IGFL2: variants seen among roughly 807,000 people sequenced by gnomAD.
IGFL2 encodes insulin growth factor-like family member 2.
Under a neutral mutation model 13.9 loss-of-function variants are expected in IGFL2, and 7 were observed. That is an observed-to-expected ratio of 0.51 (90% confidence interval 0.29 to 0.95). IGFL2 has a LOEUF of 0.95. Ranked by LOEUF, IGFL2 falls within the 40% of genes least tolerant of loss-of-function variation. The probability of loss-of-function intolerance (pLI) is 0.08; values close to 1 mark genes in which losing one functional copy is unlikely to be tolerated. For synonymous variants in IGFL2, 55 were observed against 55.8 expected, an observed-to-expected ratio of 0.99 and a Z score of 0.07; for missense variants, 138 against 147.8, an observed-to-expected ratio of 0.93 and a Z score of 0.34.
chr19:46,085,007 C>T, the IGFL2 span, among the ~76,000 whole-genome samples: 1 of 152,174 alleles, frequency 6.6e-6, no homozygotes, highest in Non-Finnish European at 1.5e-5. Flanking sequence ...CACCTATGAG[C>T]CCGTAAAATC....
At chr19:46,169,794 G>A in the IGFL2 span, among the ~76,000 whole-genome samples, 1 of 148,584 alleles carries the variant, frequency 6.7e-6, no homozygotes, top group Non-Finnish European at 1.5e-5. Context: ...GTTACAGTGA[G>A]CTGAGATCAT....
At chr19:46,195,928 T>C in the IGFL2 span, 4 of 152,312 alleles carry the variant, frequency 2.6e-5, no homozygotes, top group Admixed American at 2.6e-4. Context: ...GCTGTGTGAG[T>C]GTGGGAGGGT....
At chr19:46,210,820 C>T in the IGFL2 span, among the ~76,000 whole-genome samples, 1 of 152,196 alleles carries the variant, frequency 6.6e-6, no homozygotes, top group African/African-American at 2.4e-5. Context: ...TTGCATCCTT[C>T]AATCCAATCA....
chr19:46,086,961 A>C, the IGFL2 span, among the ~76,000 whole-genome samples: 1 of 151,980 alleles, frequency 6.6e-6, no homozygotes, highest in Non-Finnish European at 1.5e-5. Context: ...GCTATTATGA[A>C]GTTTTGCTGG....
the IGFL2 span, among the ~76,000 whole-genome samples, chr19:46,082,629 ATT>A: frequency 8.4e-5 from 12 of 142,206 alleles, no homozygotes; most frequent in African/African-American, 7.7e-5. Context: ...CTGTGTCTCC[ATT>A]TTTTTTTTTT....
chr19:46,203,495 A>C, the IGFL2 span: 1 of 152,286 alleles, frequency 6.6e-6, no homozygotes, highest in Non-Finnish European at 1.5e-5. Flanking sequence ...GCTGCTGTAG[A>C]GCATTTAAGC....
chr19:46,189,132 C>T, the IGFL2 span: 3 of 160,784 alleles, frequency 1.9e-5, no homozygotes, highest in African/African-American at 7.2e-5. Context: ...GGATACAAGA[C>T]AAGGGGGCAG....
At chr19:46,095,565 A>G in the IGFL2 span, among the ~76,000 whole-genome samples, 1 of 152,188 alleles carries the variant, frequency 6.6e-6, no homozygotes, top group Non-Finnish European at 1.5e-5. Flanking sequence ...TTTGGTTGCA[A>G]CTGCTTTTGG....
chr19:46,160,581 G>A (rs556801431), intron 2 of IGFL2, 33 bp from the exon 3 acceptor site: 65 of 1,613,530 alleles, frequency 4.0e-5, no homozygotes, highest in Non-Finnish European at 5.3e-5. Flanking sequence ...TTATCCTTGA[G>A]CTCACACCAA....
At chr19:46,146,483 C>T (rs927932301), upstream of IGFL2, among the ~76,000 whole-genome samples, 3 of 152,242 alleles carry the variant, frequency 2.0e-5, no homozygotes, top group East Asian at 1.9e-4. Flanking sequence ...TTTTGTTTCT[C>T]TCTCAGACAA....
At chr19:46,206,247 G>A in the IGFL2 span, among the ~76,000 whole-genome samples, 1 of 152,160 alleles carries the variant, frequency 6.6e-6, no homozygotes, top group Non-Finnish European at 1.5e-5. Flanking sequence ...GCCTGACTCA[G>A]CTGCCCTGAC....
chr19:46,082,574 A>G, the IGFL2 span, among the ~76,000 whole-genome samples: 9 of 150,882 alleles, frequency 6.0e-5, no homozygotes, highest in Middle Eastern at 3.4e-3. Context: ...CCGCCCTGTA[A>G]GAGAGAGGGT....
the IGFL2 span, chr19:46,213,198 C>T: frequency 3.3e-5 from 5 of 152,364 alleles, no homozygotes; most frequent in African/African-American, 7.2e-5. Flanking sequence ...CATGCTGCAC[C>T]TTCCTGTTTG....
At chr19:46,095,580 T>C in the IGFL2 span, among the ~76,000 whole-genome samples, 12 of 152,372 alleles carry the variant, frequency 7.9e-5, no homozygotes, top group African/African-American at 2.9e-4. Context: ...TTTTGGTGTT[T>C]TGGTCATGAA....
the IGFL2 span, among the ~76,000 whole-genome samples, chr19:46,083,530 C>T: frequency 6.6e-6 from 1 of 152,084 alleles, no homozygotes; most frequent in Non-Finnish European, 1.5e-5. Context: ...AGAGGAGGTG[C>T]GATGAGAGAA....
At chr19:46,149,678 G>A (rs1252642406) in intron 1 of IGFL2, among the ~76,000 whole-genome samples, 1 of 151,788 alleles carries the variant, frequency 6.6e-6, no homozygotes, top group African/African-American at 2.4e-5. Flanking sequence ...ATGTTTTCAA[G>A]GCATATCCCC....
the IGFL2 span, among the ~76,000 whole-genome samples, chr19:46,202,296 G>A: frequency 1.3e-5 from 2 of 152,150 alleles, no homozygotes; most frequent in Admixed American, 6.5e-5. Flanking sequence ...GAAATCGAAA[G>A]TGCCATTTTC....
chr19:46,083,235 T>C, the IGFL2 span, among the ~76,000 whole-genome samples: 2,052 of 152,350 alleles, frequency 0.013, 32 homozygotes, highest in Middle Eastern at 0.027. Flanking sequence ...TATAAGACTA[T>C]TTTTTTGTGA....
chr19:46,122,304 CTT>C, the IGFL2 span, among the ~76,000 whole-genome samples: 1 of 150,940 alleles, frequency 6.6e-6, no homozygotes, highest in African/African-American at 2.5e-5. Flanking sequence ...TAAAAAGAAA[CTT>C]GTCAAAATAT....
Sources: allele counts gnomAD v4.1 joint callset (sites outside exome capture counted in the v4.1 genomes callset), GRCh38; gene constraint gnomAD v4.1.1; transcripts MANE v1.5; gene names NCBI Gene and HGNC (gene_info 2026-07-23, HGNC 2026-07-21).